Variants in LIMS2 observed in about 807,000 individuals in gnomAD.
The protein encoded by LIMS2 is LIM zinc finger domain containing 2.
In LIMS2, 30 loss-of-function variants were observed where a neutral mutation model predicts 45.3. The ratio of observed to expected loss-of-function variants is 0.66; its 90% CI spans 0.50 to 0.90. LIMS2 has a LOEUF of 0.90. LIMS2 is among the 40% of genes least tolerant of loss of function. The pLI, the probability that LIMS2 is intolerant of heterozygous loss-of-function variation, is 0.00. For synonymous variants in LIMS2, 173 were observed against 188.0 expected (o/e 0.92, Z 0.65); for missense variants, 485 against 468.7 (o/e 1.03, Z -0.32).
rs1306619001 is a variant in LIMS2, at chr2:127,642,217, G to A, written c.510-18C>T. The A allele has an allele frequency of 7.9e-6, 12 of 1,511,696 alleles. No homozygotes were observed. In the East Asian group the frequency reaches 2.4e-4, roughly 31 times the overall value. The allele number at this position is 1,511,696 out of a possible 1,614,324, so 93.6% of individuals were successfully genotyped here. ...GCTCCTTCCTGGAAGACAGCGTGCAGCCCCCAGGTGCCACCCCTGCCCTTC... is the reference window on the plus strand; with the variant it reads ...GCTCCTTCCTGGAAGACAGCGTGCAACCCCCAGGTGCCACCCCTGCCCTTC... On this transcript the variant is annotated intron_variant, in intron 5 of 9. Coordinates refer to ENST00000355119, the MANE Select transcript of LIMS2 (RefSeq NM_001161403.3). The surrounding 1 kb of genome is among the most constrained non-coding windows in gnomAD (Gnocchi z 5.3).
At chr2:127,662,493 AAAAATGT>A (rs1325524259) in intron 1 of LIMS2, among the ~76,000 whole-genome samples, 1 of 152,010 alleles carries the variant, frequency 6.6e-6, no homozygotes, top group African/African-American at 2.4e-5. Flanking sequence ...TGAGGTCAAC[AAAAATGT>A]ACAAAAAGCC....
intron 7 of LIMS2, chr2:127,640,584 G>A: frequency 1.7e-6 from 1 of 601,128 alleles, no homozygotes. Context: ...GGCCCAGGTG[G>A]TGACTGCATC....
In LIMS2 at chr2:127,673,794, A is replaced by C; in HGVS notation, c.11+1220T>G. Reference sequence around the variant, plus strand: ...GCCAGCTGGCAGGGATGCTCTGAGGAAAATGGGAGGCAGCCCCGCTAGAAC... The same window carrying C: ...GCCAGCTGGCAGGGATGCTCTGAGGCAAATGGGAGGCAGCCCCGCTAGAAC... On this transcript the variant is annotated intron_variant, in intron 1 of 9. Transcript: ENST00000355119. The C allele has an allele frequency of 3.3e-6, 5 of 1,517,880 alleles. No individual in the cohort carries two copies. The South Asian group carries it at 6.0e-5, about 18-fold the overall frequency. 94.0% of individuals were successfully genotyped at this position (1,517,880 alleles called of 1,614,324 possible).
At position 127,674,995 on chromosome 2, in the gene LIMS2, C is replaced by A; in HGVS notation, c.11+19G>T. Reference sequence around the variant, plus strand: ...CAGTCCCGCCTCCCCGGCCCGGGGGCGTGGGTGGGGGCCGTTACCTTCCCG... The same window carrying A: ...CAGTCCCGCCTCCCCGGCCCGGGGGAGTGGGTGGGGGCCGTTACCTTCCCG... On this transcript the variant is annotated intron_variant, in intron 1 of 9. Coordinates refer to ENST00000355119, the MANE Select transcript of LIMS2 (RefSeq NM_001161403.3). The A allele has an allele frequency of 2.4e-6, 3 of 1,229,244 alleles. No individual in the cohort carries two copies. Among genetic ancestry groups the A allele is most frequent in the South Asian group, 4.1e-5 (1 of 24,318 alleles). 76.1% of individuals were successfully genotyped at this position (1,229,244 alleles called of 1,614,324 possible).
intron 1 of LIMS2, chr2:127,674,027 T>C: frequency 2.4e-6 from 1 of 418,066 alleles, no homozygotes; most frequent in Non-Finnish European, 4.4e-6. Flanking sequence ...CAGGCTATTT[T>C]TGGTTCCTGG....
rs1324546322 is a variant in LIMS2 at position 127,647,996 on chromosome 2, G to A, written c.360-4924C>T. ...TCACAGCCCTCAGCCCTTCCCCAGG[G>A]CTTCAGCCAAGCCTGTCTCCCTCTC... On this transcript the variant is annotated intron_variant, in intron 4 of 9. Coordinates refer to ENST00000355119, the MANE Select transcript of LIMS2 (RefSeq NM_001161403.3). This position sits in a 1 kb window ranked among gnomAD's most constrained non-coding sequence, Gnocchi z 4.3. 2 of 984,718 alleles carry A rather than the reference G, an allele frequency of 2.0e-6. No individual in the cohort carries two copies. The highest frequency in any genetic ancestry group is 6.2e-5 in the Admixed American group (1 of 16,240). The allele number at this position is 984,718 out of a possible 1,614,324, so 61.0% of individuals were successfully genotyped here.
chr2:127,655,360 A>G (rs1684185954), intron 2 of LIMS2: 1 of 201,270 alleles, frequency 5.0e-6, no homozygotes, highest in Non-Finnish European at 1.0e-5. Flanking sequence ...GGGCCTGGGC[A>G]CGGGGAAGTG....
chr2:127,661,721 A>T (rs1332605807), intron 1 of LIMS2, among the ~76,000 whole-genome samples: 2 of 152,204 alleles, frequency 1.3e-5, no homozygotes, highest in African/African-American at 4.8e-5. Context: ...TTTGACAGCC[A>T]ATACAAGCCA....
chr2:127,650,925 A>G, intron 4 of LIMS2: 2 of 1,613,870 alleles, frequency 1.2e-6, no homozygotes. Context: ...CAAGTCCGGG[A>G]CCCCGGCCAA....
At chr2:127,651,192 G>A (rs1558882313) in intron 4 of LIMS2, 1 of 1,611,366 alleles carries the variant, frequency 6.2e-7, no homozygotes, top group Non-Finnish European at 8.5e-7. Context: ...CCTGGCCTGT[G>A]CCTTCCTGTG....
At chr2:127,655,546 C>T in intron 2 of LIMS2, 1 of 157,052 alleles carries the variant, frequency 6.4e-6, no homozygotes, top group Admixed American at 6.1e-5. Flanking sequence ...AAATGAGTGT[C>T]TTATTAGACT....
At chr2:127,663,738 C>G (rs962720608) in intron 1 of LIMS2, among the ~76,000 whole-genome samples, 1 of 152,142 alleles carries the variant, frequency 6.6e-6, no homozygotes, top group African/African-American at 2.4e-5. Flanking sequence ...CTCTTCCCCG[C>G]TGGCCCCTCG....
intron 4 of LIMS2, chr2:127,643,572 G>A (rs752335849): frequency 2.2e-5 from 10 of 456,538 alleles, no homozygotes; most frequent in African/African-American, 2.0e-5. Flanking sequence ...GACAAGCACT[G>A]CTATGTCAGA....
intron 4 of LIMS2, chr2:127,652,638 T>C (rs1436760460): frequency 6.2e-6 from 1 of 161,788 alleles, no homozygotes; most frequent in East Asian, 1.9e-4. Context: ...GCTTTAAGAC[T>C]ACACAGGTTG....
Position 127,664,505 on chromosome 2 carries a change from T to C in LIMS2, c.12-6943A>G. 8.7e-7 allele frequency: 1 copy of C among 1,155,438 alleles called. No individual in the cohort carries two copies. Among genetic ancestry groups the C allele is most frequent in the Non-Finnish European group, 1.1e-6 (1 of 939,462 alleles). 71.6% of individuals were successfully genotyped at this position (1,155,438 alleles called of 1,614,324 possible). On this transcript the variant is annotated intron_variant, in intron 1 of 9. Transcript: ENST00000355119. The surrounding 1 kb of genome is among the most constrained non-coding windows in gnomAD (Gnocchi z 5.5). ...GCCAGACACCAAGACGGGACGGGCG[T>C]GTGGGCGCCTCCCCCGCGCTGGTCG...
chr2:127,648,927 AAAAAAAG>A (rs1159633539), intron 4 of LIMS2, among the ~76,000 whole-genome samples: 1 of 112,466 alleles, frequency 8.9e-6, no homozygotes, highest in African/African-American at 3.5e-5. Context: ...AAAGAGAAAG[AAAAAAAG>A]AAAAAAGAGA....
intron 4 of LIMS2, among the ~76,000 whole-genome samples, chr2:127,645,365 G>A (rs1273994312): frequency 6.6e-6 from 1 of 152,226 alleles, no homozygotes; most frequent in African/African-American, 2.4e-5. Flanking sequence ...CCATGTTGCT[G>A]GATGTATCAT....
At chr2:127,676,051 T>A (rs1685491668), upstream of LIMS2, among the ~76,000 whole-genome samples, 1 of 152,170 alleles carries the variant, frequency 6.6e-6, no homozygotes, top group Non-Finnish European at 1.5e-5. Context: ...ATAAACTATT[T>A]AGGGAATCTC....
intron 1 of LIMS2, among the ~76,000 whole-genome samples, chr2:127,658,184 T>C (rs944439880): frequency 1.3e-5 from 2 of 151,880 alleles, no homozygotes; most frequent in African/African-American, 4.8e-5. Context: ...AGCCCAGGAG[T>C]TCGAGACCAG....
Sources: gnomAD v4.1 joint callset for allele counts (sites outside exome capture counted in the v4.1 genomes callset) on GRCh38, gnomAD v4.1.1 for gene constraint, Gnocchi (gnomAD v3.1) non-coding constraint, MANE v1.5 for transcripts, NCBI Gene and HGNC (gene_info 2026-07-23, HGNC 2026-07-21) for gene names.